The following RCL1 variants were observed in gnomAD, a reference collection of about 807,000 sequenced individuals.
RCL1 encodes the protein RNA terminal phosphate cyclase like 1.
In RCL1, 24 loss-of-function variants were observed where a neutral mutation model predicts 42.4. That is an observed-to-expected ratio of 0.57 (90% confidence interval 0.41 to 0.80). The LOEUF is 0.80. RCL1 is among the 30% of genes least tolerant of loss of function. The pLI, the probability that RCL1 is intolerant of heterozygous loss-of-function variation, is 0.00. For missense variants in RCL1, 578 were observed against 467.9 expected, an observed-to-expected ratio of 1.24 and a Z score of -2.17; for synonymous variants, 228 against 177.3, an observed-to-expected ratio of 1.29 and a Z score of -2.27.
chr9:4,826,836 G>A, intron 2 of RCL1, 22 bp from the exon 3 acceptor site: 1 of 1,579,362 alleles, frequency 6.3e-7, no homozygotes. Context: ...GCTGAATGTG[G>A]CTCTTTTTCT....
At chr9:4,841,953 G>A (rs1192724828) in intron 6 of RCL1, among the ~76,000 whole-genome samples, 2 of 152,166 alleles carry the variant, frequency 1.3e-5, no homozygotes, top group East Asian at 3.8e-4. Flanking sequence ...TGTGTATTTA[G>A]CAACTAGGAA....
At chr9:4,825,012 A>G (rs559848744) in intron 2 of RCL1, among the ~76,000 whole-genome samples, 13 of 152,004 alleles carry the variant, frequency 8.6e-5, no homozygotes, top group African/African-American at 3.1e-4. Flanking sequence ...CCCGGGTTCA[A>G]ACGATTCTCC....
chr9:4,814,444 T>A (rs1816300267), intron 1 of RCL1, among the ~76,000 whole-genome samples: 1 of 152,248 alleles, frequency 6.6e-6, no homozygotes, highest in East Asian at 1.9e-4. Context: ...CTTTTGTATT[T>A]TTTGTAGAGA....
At chr9:4,800,631 C>T (rs148240936) in intron 1 of RCL1, among the ~76,000 whole-genome samples, 61 of 151,538 alleles carry the variant, frequency 4.0e-4, no homozygotes, top group African/African-American at 1.3e-3. Context: ...ATATTGCTGC[C>T]CTGTTTTCCA....
At chr9:4,813,422 C>T (rs951704821) in intron 1 of RCL1, among the ~76,000 whole-genome samples, 25 of 152,226 alleles carry the variant, frequency 1.6e-4, no homozygotes, top group African/African-American at 5.8e-4. Flanking sequence ...ATGCAGCCAA[C>T]AGACACATGA....
At chr9:4,850,398 G>C (rs1817693507) in intron 8 of RCL1, 1 of 522,422 alleles carries the variant, frequency 1.9e-6, no homozygotes, top group South Asian at 1.4e-5. Flanking sequence ...AGAAAGGGTT[G>C]AGGACTGCGG....
intron 5 of RCL1, among the ~76,000 whole-genome samples, chr9:4,840,038 GC>G (rs938214499): frequency 6.6e-6 from 1 of 151,806 alleles, no homozygotes. Flanking sequence ...CAGGCTGGGG[GC>G]TCTAACAACA....
rs1563846770 is a variant in RCL1 at position 4,834,128 on chromosome 9, ACT to A, written c.460-8_460-7del. On this transcript the variant is annotated splice_polypyrimidine_tract_variant and intron_variant, in intron 4 of 8. Coordinates refer to ENST00000381750, the MANE Select transcript of RCL1 (RefSeq NM_005772.5). ...GCTGCATCCTCGCCTCATCTTTCTC[ACT>A]CTCTGTGTAGATTGTGCGACGGGGA... 3 of 1,609,708 alleles carry A rather than the reference ACT, an allele frequency of 1.9e-6. No individual in the cohort carries two copies. The highest frequency in any genetic ancestry group is 1.7e-5 in the Admixed American group (1 of 59,604).
At chr9:4,846,726 G>T (rs1043268882) in intron 7 of RCL1, among the ~76,000 whole-genome samples, 1 of 152,116 alleles carries the variant, frequency 6.6e-6, no homozygotes, top group South Asian at 2.1e-4. Flanking sequence ...GACCTTGGGA[G>T]AATTAGAAGC....
At chr9:4,836,211 T>C (rs983302655) in intron 5 of RCL1, among the ~76,000 whole-genome samples, 3 of 152,180 alleles carry the variant, frequency 2.0e-5, no homozygotes, top group East Asian at 1.9e-4. Flanking sequence ...CCAGTGGCAG[T>C]TGGCAGCCTA....
rs1045304297 is a variant in RCL1, at chr9:4,854,019, G to C, written c.971+4469G>C. On this transcript the variant is annotated intron_variant, in intron 8 of 8. Transcript: ENST00000381750. ...TCAGTGGCCTCACTGCATTCCATGA[G>C]CTTGCACAGTACCACTATGTCTTAG... 2.0e-5 allele frequency among the ~76,000 whole-genome samples: 3 copies of C among 152,300 alleles called. No homozygotes were observed. In the East Asian group the frequency reaches 5.8e-4, roughly 29 times the overall value.
chr9:4,818,435 A>C, intron 1 of RCL1, among the ~76,000 whole-genome samples: 1 of 152,216 alleles, frequency 6.6e-6, no homozygotes, highest in East Asian at 1.9e-4. Flanking sequence ...ATAAATAAAC[A>C]TACATATTTG....
At chr9:4,820,745 G>C (rs1816567562) in intron 1 of RCL1, among the ~76,000 whole-genome samples, 1 of 152,176 alleles carries the variant, frequency 6.6e-6, no homozygotes, top group Non-Finnish European at 1.5e-5. Flanking sequence ...AACCTAAGTA[G>C]AAAGTGGCAT....
intron 1 of RCL1, among the ~76,000 whole-genome samples, chr9:4,810,852 T>C (rs1321118697): frequency 6.6e-6 from 1 of 152,236 alleles, no homozygotes; most frequent in Non-Finnish European, 1.5e-5. Flanking sequence ...GGTTTTAATT[T>C]ATATTACCCT....
intron 3 of RCL1, among the ~76,000 whole-genome samples, chr9:4,832,805 CAAAAAAAAAAAAA>C (rs34915834): frequency 2.5e-5 from 1 of 39,306 alleles, no homozygotes; most frequent in African/African-American, 9.9e-5. Context: ...AGATTCCACT[CAAAAAAAAAAAAA>C]AAAAAAAAAA....
intron 5 of RCL1, chr9:4,839,702 T>C (rs1817250008): frequency 1.0e-6 from 1 of 985,240 alleles, no homozygotes; most frequent in African/African-American, 1.7e-5. Flanking sequence ...AGGTTTGTCC[T>C]TTGAGTCAAG....
intron 3 of RCL1, chr9:4,827,370 A>G (rs1816797968): frequency 2.2e-6 from 2 of 930,118 alleles, no homozygotes; most frequent in South Asian, 3.8e-5. Flanking sequence ...ATCCTGTGGT[A>G]GCTGAGGCTG....
intron 1 of RCL1, among the ~76,000 whole-genome samples, chr9:4,796,875 C>T (rs1418604494): frequency 6.6e-6 from 1 of 152,122 alleles, no homozygotes; most frequent in Non-Finnish European, 1.5e-5. Context: ...ATGTCTTTTC[C>T]TCTGGGTAGA....
chr9:4,832,439 A>T (rs1030257187), intron 3 of RCL1, among the ~76,000 whole-genome samples: 5 of 152,186 alleles, frequency 3.3e-5, no homozygotes, highest in African/African-American at 1.2e-4. Context: ...ACCGGCTCTA[A>T]ACATTAAATA....
Sources: allele counts gnomAD v4.1 joint callset (sites outside exome capture counted in the v4.1 genomes callset), GRCh38; gene constraint gnomAD v4.1.1; transcripts MANE v1.5; gene names NCBI Gene and HGNC (gene_info 2026-07-23, HGNC 2026-07-21).